NHS: variants seen among roughly 807,000 people sequenced by gnomAD.
NHS encodes the protein NHS actin remodeling regulator, also known as actin remodeling regulator NHS.
NHS carries 5 observed loss-of-function variants against 72.5 expected under a neutral mutation model. The observed-to-expected ratio is 0.07, with a 90% CI of 0.04 to 0.14. NHS has a LOEUF of 0.14. Among genes scored for constraint, NHS ranks in the 10% least tolerant of loss-of-function variants. The probability of loss-of-function intolerance (pLI) is 1.00; values close to 1 mark genes in which losing one functional copy is unlikely to be tolerated. For synonymous variants in NHS, 464 were observed against 547.7 expected, an observed-to-expected ratio of 0.85 and a Z score of 2.13; for missense variants, 1,072 against 1,355.7, an observed-to-expected ratio of 0.79 and a Z score of 3.29.
intron 1 of NHS, among the ~76,000 whole-genome samples, chrX:17,400,383 C>T (rs1428637933): frequency 9.0e-6 from 1 of 111,219 alleles, no homozygotes; most frequent in East Asian, 2.8e-4. Context: ...GTCAGGATTT[C>T]GAGACCAGCC....
At chrX:17,380,801 TG>T (rs1369503301) in intron 1 of NHS, among the ~76,000 whole-genome samples, 1 of 111,551 alleles carries the variant, frequency 9.0e-6, no homozygotes, top group African/African-American at 3.3e-5. Context: ...TTGATGATCC[TG>T]GGGGAGAGAA....
At chrX:17,589,073 T>C (rs1276334811) in intron 1 of NHS, among the ~76,000 whole-genome samples, 1 of 112,516 alleles carries the variant, frequency 8.9e-6, no homozygotes, top group Non-Finnish European at 1.9e-5. Context: ...TTTCAACACA[T>C]AGCACAGTGT....
intron 1 of NHS, among the ~76,000 whole-genome samples, chrX:17,461,651 A>G (rs1190565662): frequency 8.9e-6 from 1 of 112,984 alleles, no homozygotes; most frequent in Non-Finnish European, 1.9e-5. Flanking sequence ...TGTGCTGTGT[A>G]ATAAACCACC....
At chrX:17,377,575 T>C (rs891047280) in intron 1 of NHS, among the ~76,000 whole-genome samples, 2 of 113,377 alleles carry the variant, frequency 1.8e-5, no homozygotes, top group African/African-American at 6.4e-5. Flanking sequence ...CATCCTTCCC[T>C]GGGGATTTCC....
At chrX:17,578,757 G>T (rs1159377402) in intron 1 of NHS, among the ~76,000 whole-genome samples, 1 of 112,307 alleles carries the variant, frequency 8.9e-6, no homozygotes, top group African/African-American at 3.2e-5. Context: ...TATTTCATGA[G>T]CAGATTGTAT....
intron 1 of NHS, among the ~76,000 whole-genome samples, chrX:17,386,663 CAAAAAAAAAA>C (rs1184465152): frequency 2.6e-5 from 1 of 38,440 alleles, no homozygotes; most frequent in Non-Finnish European, 5.0e-5. Context: ...AACTCTGTCT[CAAAAAAAAAA>C]AAAAAAAAAA....
intron 1 of NHS, among the ~76,000 whole-genome samples, chrX:17,390,393 C>T (rs973394043): frequency 5.5e-5 from 6 of 110,080 alleles, no homozygotes; most frequent in Non-Finnish European, 9.5e-5. Context: ...CCTCCCCACC[C>T]CTGAAGTGAT....
At chrX:17,453,162 G>A (rs1473266844) in intron 1 of NHS, among the ~76,000 whole-genome samples, 2 of 110,654 alleles carry the variant, frequency 1.8e-5, no homozygotes, top group South Asian at 7.8e-4. Context: ...AAAATTGGCT[G>A]TTGACATACA....
intron 3 of NHS, among the ~76,000 whole-genome samples, chrX:17,707,956 C>T (rs1433263802): frequency 1.8e-5 from 2 of 111,720 alleles, no homozygotes; most frequent in Non-Finnish European, 3.8e-5. Context: ...AAGAGTTAGA[C>T]ATATCCAGAC....
chrX:17,396,473 C>G (rs1456024691), intron 1 of NHS, among the ~76,000 whole-genome samples: 1 of 111,456 alleles, frequency 9.0e-6, no homozygotes, highest in Non-Finnish European at 1.9e-5. Flanking sequence ...GAGCCACAAA[C>G]CACAGTTTGA....
chrX:17,589,181 G>A (rs1174640650), intron 1 of NHS, among the ~76,000 whole-genome samples: 1 of 111,648 alleles, frequency 9.0e-6, no homozygotes, highest in Non-Finnish European at 1.9e-5. Context: ...TATTTCCATA[G>A]GTTTTTGGGG....
chrX:17,436,455 G>A (rs1014724486), intron 1 of NHS, among the ~76,000 whole-genome samples: 15 of 110,674 alleles, frequency 1.4e-4, no homozygotes, highest in African/African-American at 4.6e-4. Flanking sequence ...GACACTTGGT[G>A]TGGAAACAAA....
rs1055792051 is a variant in NHS at position 17,734,450 on chromosome X, G to T, written c.*1986G>T. On this transcript the variant is annotated 3_prime_UTR_variant, in exon 9 of 9. Transcript: ENST00000676302. ...TGTTACTAAATTTCTTGTCATCCTT[G>T]TATGTAAAATGGGTGCTGGGGGTGG... 1 of 111,643 alleles carries T rather than the reference G, an allele frequency of 9.0e-6. No individual in the cohort carries two copies. The highest frequency in any genetic ancestry group is 9.5e-5 in the Admixed American group (1 of 10,491). The allele number at this position is 111,643 out of a possible 1,213,427, so 9.2% of individuals were successfully genotyped here. A position where few individuals can be genotyped will look rare whatever the true frequency, so the allele number is the denominator to read the frequency against.
At chrX:17,555,228 AT>A (rs374726103) in intron 1 of NHS, among the ~76,000 whole-genome samples, 4,931 of 80,301 alleles carry the variant, frequency 0.061, 348 homozygotes, top group African/African-American at 0.19. Context: ...GCAGCGGGTT[AT>A]TTTTTTTTTT....
intron 1 of NHS, 191 bp from the exon 2 acceptor site, chrX:17,687,551 C>A (rs2066170165): frequency 9.4e-6 from 5 of 533,616 alleles, no homozygotes; most frequent in Non-Finnish European, 1.6e-5. Context: ...GGCTCAGGGG[C>A]AAAAGTTGTC....
chrX:17,486,399 G>C (rs2064967697), intron 1 of NHS, among the ~76,000 whole-genome samples: 1 of 112,077 alleles, frequency 8.9e-6, no homozygotes, highest in Non-Finnish European at 1.9e-5. Flanking sequence ...CAGTTTTGCA[G>C]ATCAGCCATG....
intron 1 of NHS, among the ~76,000 whole-genome samples, chrX:17,671,855 A>G (rs1341842806): frequency 3.6e-5 from 4 of 111,984 alleles, no homozygotes; most frequent in East Asian, 2.8e-4. Context: ...AAAAGTTCCA[A>G]TGACTTAAAG....
chrX:17,561,243 A>G (rs1056919751), intron 1 of NHS, among the ~76,000 whole-genome samples: 1 of 112,066 alleles, frequency 8.9e-6, no homozygotes, highest in Admixed American at 9.4e-5. Flanking sequence ...TTGCTCTGTA[A>G]TAGTGAGAAA....
At chrX:17,702,391 A>T (rs2066270539) in intron 3 of NHS, among the ~76,000 whole-genome samples, 1 of 112,165 alleles carries the variant, frequency 8.9e-6, no homozygotes, top group Non-Finnish European at 1.9e-5. Flanking sequence ...ACAGTAAGGC[A>T]TAACTGTGGA....
Sources: allele counts gnomAD v4.1 joint callset (sites outside exome capture counted in the v4.1 genomes callset), GRCh38; gene constraint gnomAD v4.1.1; transcripts MANE v1.5; gene names NCBI Gene and HGNC (gene_info 2026-07-23, HGNC 2026-07-21).